The following YWHAQ variants were observed in gnomAD, a reference collection of about 807,000 sequenced individuals.
The protein encoded by YWHAQ is tyrosine 3-monooxygenase/tryptophan 5-monooxygenase activation protein theta.
YWHAQ carries 6 observed loss-of-function variants against 28.3 expected under a neutral mutation model. The observed-to-expected ratio is 0.21, with a 90% CI of 0.12 to 0.42. YWHAQ has a LOEUF of 0.42. Ranked by LOEUF, YWHAQ falls within the 10% of genes least tolerant of loss-of-function variation. The probability of loss-of-function intolerance (pLI) is 1.00; values close to 1 mark genes in which losing one functional copy is unlikely to be tolerated. For synonymous variants in YWHAQ, 143 were observed against 119.1 expected, an observed-to-expected ratio of 1.20 and a Z score of -1.31; for missense variants, 201 against 305.6, an observed-to-expected ratio of 0.66 and a Z score of 2.55.
intron 2 of YWHAQ, among the ~76,000 whole-genome samples, chr2:9,605,896 A>T (rs1471117809): frequency 6.6e-6 from 1 of 152,086 alleles, no homozygotes; most frequent in African/African-American, 2.4e-5. Context: ...AAAACATTTA[A>T]AATCTATGTA....
chr2:9,628,945 C>A (rs1352614726), intron 2 of YWHAQ: 1 of 150,054 alleles, frequency 6.7e-6, no homozygotes, highest in African/African-American at 2.5e-5. Context: ...CGCCTGTCAT[C>A]GTATTAGAAA....
intron 2 of YWHAQ, among the ~76,000 whole-genome samples, chr2:9,617,329 CAT>C (rs536403244): frequency 2.5e-4 from 38 of 152,198 alleles, no homozygotes; most frequent in African/African-American, 4.1e-4. Context: ...AATTCTGATA[CAT>C]GTTTCAACAT....
At chr2:9,587,654 C>A in intron 4 of YWHAQ, 145 bp from the exon 5 acceptor site, 1 of 634,938 alleles carries the variant, frequency 1.6e-6, no homozygotes, top group Non-Finnish European at 2.6e-6. Flanking sequence ...CTCTCACACT[C>A]CCAGTTTAAG....
intron 2 of YWHAQ, among the ~76,000 whole-genome samples, chr2:9,609,064 A>T (rs1666893342): frequency 6.6e-6 from 1 of 152,266 alleles, no homozygotes; most frequent in Non-Finnish European, 1.5e-5. Flanking sequence ...ACTGTGTATA[A>T]TAAAACATAA....
At chr2:9,617,088 G>A (rs907694577) in intron 2 of YWHAQ, among the ~76,000 whole-genome samples, 5 of 151,622 alleles carry the variant, frequency 3.3e-5, no homozygotes, top group African/African-American at 9.7e-5. Context: ...AGCCTCCCGA[G>A]TAGCTGGGAC....
At chr2:9,622,128 T>C (rs1458842498) in intron 2 of YWHAQ, among the ~76,000 whole-genome samples, 3 of 151,456 alleles carry the variant, frequency 2.0e-5, no homozygotes, top group Non-Finnish European at 2.9e-5. Flanking sequence ...GGCACATGTA[T>C]ACCTATGAAA....
intron 2 of YWHAQ, among the ~76,000 whole-genome samples, chr2:9,627,196 G>T (rs2125075389): frequency 6.6e-6 from 1 of 152,276 alleles, no homozygotes; most frequent in South Asian, 2.1e-4. Context: ...TTGAATACAT[G>T]GTTTAAGTAA....
chr2:9,588,283 A>C lies in YWHAQ; in HGVS notation c.464T>G (p.Ile155Arg). ...TGTGGGTTGCATCTCTTTCTTGCTT[A>C]TATCAAATGCCTCTTGGTAAGCTCC... ...SQGAYQEAFD[I>R]SKKEMQPTHP... Residue 155 changes from isoleucine (I) to arginine (R), a missense_variant, in exon 4 of 6, where the codon ATA becomes AGA. Around this residue, in one of 2 missense-constraint regions of YWHAQ, gnomAD observed 162 missense variants for 213.9 expected, o/e 0.76. Coordinates refer to ENST00000238081, the MANE Select transcript of YWHAQ (RefSeq NM_006826.4). The C allele has an allele frequency of 6.2e-7, 1 of 1,609,786 alleles. No individual in the cohort carries two copies. The highest frequency in any genetic ancestry group is 8.5e-7 in the Non-Finnish European group (1 of 1,179,062).
chr2:9,610,802 C>T (rs1382674008), intron 2 of YWHAQ, among the ~76,000 whole-genome samples: 2 of 152,110 alleles, frequency 1.3e-5, no homozygotes, highest in Non-Finnish European at 2.9e-5. Context: ...GCCACCGCAC[C>T]CTGCCTACTC....
intron 5 of YWHAQ, among the ~76,000 whole-genome samples, chr2:9,586,493 ATAGT>A (rs1470282302): frequency 2.6e-5 from 4 of 152,216 alleles, no homozygotes; most frequent in Non-Finnish European, 5.9e-5. Flanking sequence ...CGATTAAAAG[ATAGT>A]TAGCTCCAAG....
At chr2:9,614,553 C>A (rs1667008348) in intron 2 of YWHAQ, among the ~76,000 whole-genome samples, 1 of 152,148 alleles carries the variant, frequency 6.6e-6, no homozygotes, top group African/African-American at 2.4e-5. Context: ...ATCCTGATAC[C>A]TAATAAAAGG....
intron 2 of YWHAQ, among the ~76,000 whole-genome samples, chr2:9,597,278 G>A (rs1401260262): frequency 6.6e-6 from 1 of 152,080 alleles, no homozygotes; most frequent in African/African-American, 2.4e-5. Flanking sequence ...ATTCATCTAT[G>A]GAAATATTTT....
intron 2 of YWHAQ, among the ~76,000 whole-genome samples, chr2:9,595,285 ATAT>A (rs1440732015): frequency 1.3e-5 from 2 of 152,228 alleles, no homozygotes; most frequent in Non-Finnish European, 2.9e-5. Flanking sequence ...TCAATACCAA[ATAT>A]TATTAATGCC....
intron 2 of YWHAQ, among the ~76,000 whole-genome samples, chr2:9,606,558 C>T (rs1666833439): frequency 6.6e-6 from 1 of 152,186 alleles, no homozygotes; most frequent in African/African-American, 2.4e-5. Context: ...GAGACGGAGT[C>T]TCGCTCTGTT....
At chr2:9,626,040 G>C (rs946266699) in intron 2 of YWHAQ, among the ~76,000 whole-genome samples, 4 of 152,154 alleles carry the variant, frequency 2.6e-5, no homozygotes, top group South Asian at 2.1e-4. Context: ...CTAAATTCAA[G>C]CATACTACTC....
intron 2 of YWHAQ, among the ~76,000 whole-genome samples, chr2:9,618,569 G>C (rs1156701493): frequency 6.6e-6 from 1 of 152,070 alleles, no homozygotes; most frequent in South Asian, 2.1e-4. Context: ...TGAAGTGGCA[G>C]GAAGACGGAT....
At position 9,630,223 on chromosome 2, in the gene YWHAQ, T is replaced by G; in HGVS notation, c.230A>C (p.Gln77Pro). 1 of 1,614,090 alleles carries G rather than the reference T, an allele frequency of 6.2e-7. No homozygotes were observed. The highest frequency in any genetic ancestry group is 8.5e-7 in the Non-Finnish European group (1 of 1,180,038). ...QKTDTSDKKL[Q>P]LIKDYREKVE... is the part of the protein sequence containing the mutation. ...TTTCTCCCGATAGTCCTTAATCAGC[T>G]GCAACTTCTTGTCGGAGGTGTCGGT... Residue 77 changes from glutamine to proline, a missense_variant, in exon 2 of 6, where the codon CAG becomes CCG. Gln to Pro is a moderately conservative substitution (Grantham distance 76). Coordinates refer to ENST00000238081, the MANE Select transcript of YWHAQ (RefSeq NM_006826.4). The surrounding 1 kb of genome is among the most constrained non-coding windows in gnomAD (Gnocchi z 5.6).
At chr2:9,610,812 CATTTTTTAAAAATTA>C (rs1666932096) in intron 2 of YWHAQ, among the ~76,000 whole-genome samples, 1 of 152,152 alleles carries the variant, frequency 6.6e-6, no homozygotes, top group Admixed American at 6.5e-5. Flanking sequence ...CCTGCCTACT[CATTTTTTAAAAATTA>C]AATTTACCTT....
chr2:9,609,584 A>AT (rs1281659711), intron 2 of YWHAQ, among the ~76,000 whole-genome samples: 2 of 145,440 alleles, frequency 1.4e-5, no homozygotes, highest in African/African-American at 5.0e-5. Flanking sequence ...CCCAAGCAAG[A>AT]TAAAAAAAAA....
Sources: gnomAD v4.1 joint callset for allele counts (sites outside exome capture counted in the v4.1 genomes callset) on GRCh38, gnomAD v4.1.1 for gene constraint, gnomAD v4.1.1 regional missense constraint, Gnocchi (gnomAD v3.1) non-coding constraint, MANE v1.5 for transcripts, NCBI Gene and HGNC (gene_info 2026-07-23, HGNC 2026-07-21) for gene names.